Variants in CD2AP observed in about 807,000 individuals in gnomAD.
The protein encoded by CD2AP is CD2 associated protein, also known as CD2-associated protein.
A neutral mutation model predicts 85.1 loss-of-function variants in CD2AP; 46 were observed. The observed-to-expected ratio is 0.54, with a 90% CI of 0.43 to 0.69. CD2AP has a LOEUF of 0.69. Ranked by LOEUF, CD2AP falls within the 30% of genes least tolerant of loss-of-function variation. CD2AP has a pLI of 0.00. For missense variants in CD2AP, 769 were observed against 729.5 expected, an observed-to-expected ratio of 1.05 and a Z score of -0.62; for synonymous variants, 255 against 252.9, an observed-to-expected ratio of 1.01 and a Z score of -0.08.
At chr6:47,607,405 T>C (rs1275475776) in intron 14 of CD2AP, among the ~76,000 whole-genome samples, 1 of 152,126 alleles carries the variant, frequency 6.6e-6, no homozygotes, top group Admixed American at 6.6e-5. Context: ...ATTGTACTCA[T>C]TTACATTCCC....
At chr6:47,487,804 A>T (rs557729902) in intron 1 of CD2AP, among the ~76,000 whole-genome samples, 37 of 152,286 alleles carry the variant, frequency 2.4e-4, no homozygotes, top group African/African-American at 7.9e-4. Flanking sequence ...CACTTATTTT[A>T]TTGTATTTAC....
chr6:47,609,054 G>A, intron 15 of CD2AP, 69 bp from the exon 16 acceptor site: 1 of 1,196,902 alleles, frequency 8.4e-7, no homozygotes, highest in Non-Finnish European at 1.2e-6. Flanking sequence ...TTTTCTTCTT[G>A]CTGTTAAAAT....
chr6:47,554,629 A>G lies in CD2AP; in HGVS notation c.421-17A>G. ...TAACAGAAGTTGTTTTTGCTTTTGA[A>G]TTGTGAACTTTTTCAGGTAGAAGAA... On this transcript the variant is annotated splice_polypyrimidine_tract_variant and intron_variant, in intron 4 of 17. Transcript: ENST00000359314. The G allele has an allele frequency of 3.1e-6, 5 of 1,613,450 alleles. No individual in the cohort carries two copies. The highest frequency in any genetic ancestry group is 4.2e-6 in the Non-Finnish European group (5 of 1,179,604).
Position 47,479,738 on chromosome 6 carries a change from G to A in CD2AP, c.4+1490G>A, listed in dbSNP as rs12525008. 9.4e-4 allele frequency among the ~76,000 whole-genome samples: 143 copies of A among 152,172 alleles called. 1 individual carries two copies. The highest frequency in any genetic ancestry group is 3.4e-3 in the Middle Eastern group (1 of 294). ...AAATTAAACTACTTTGGATGACCTG[G>A]GGATGCAGTCTTGTTTTGCATATAG... is the stretch of plus-strand genomic sequence containing the variant. On this transcript the variant is annotated intron_variant, in intron 1 of 17. Transcript: ENST00000359314.
intron 4 of CD2AP, among the ~76,000 whole-genome samples, chr6:47,550,713 A>G (rs1767494680): frequency 6.6e-6 from 1 of 152,082 alleles, no homozygotes; most frequent in South Asian, 2.1e-4. Context: ...TCATTATATG[A>G]AAAAGATAGT....
At chr6:47,591,345 A>G (rs924906344) in intron 11 of CD2AP, among the ~76,000 whole-genome samples, 4 of 152,184 alleles carry the variant, frequency 2.6e-5, no homozygotes, top group Non-Finnish European at 4.4e-5. Context: ...TTCATGTGGT[A>G]ATAGTTTCTC....
intron 1 of CD2AP, among the ~76,000 whole-genome samples, chr6:47,500,790 A>G (rs563485276): frequency 9.7e-5 from 14 of 145,054 alleles, no homozygotes; most frequent in African/African-American, 3.6e-4. Context: ...CCTGTCACCC[A>G]GGCTGGTGTG....
intron 1 of CD2AP, among the ~76,000 whole-genome samples, chr6:47,486,704 C>T (rs1315947912): frequency 1.3e-5 from 2 of 152,196 alleles, no homozygotes. Flanking sequence ...ATCCTTCTTA[C>T]TGTCCTATCA....
chr6:47,516,598 G>A (rs1766459119), intron 2 of CD2AP, among the ~76,000 whole-genome samples: 1 of 152,152 alleles, frequency 6.6e-6, no homozygotes. Flanking sequence ...ATAGCTTCTG[G>A]ATTGAGAGAA....
chr6:47,569,103 G>A (rs534191133), intron 5 of CD2AP, among the ~76,000 whole-genome samples: 1 of 152,324 alleles, frequency 6.6e-6, no homozygotes, highest in Non-Finnish European at 1.5e-5. Flanking sequence ...GTTAGGCAGT[G>A]TAGAGAGTAA....
chr6:47,482,469 C>T (rs1413254945), intron 1 of CD2AP, among the ~76,000 whole-genome samples: 4 of 151,130 alleles, frequency 2.6e-5, no homozygotes, highest in African/African-American at 9.7e-5. Context: ...ACCTCCGCCT[C>T]CCGGGTTCAA....
At chr6:47,585,242 G>A (rs925429403) in intron 11 of CD2AP, among the ~76,000 whole-genome samples, 1 of 151,684 alleles carries the variant, frequency 6.6e-6, no homozygotes, top group Admixed American at 6.6e-5. Context: ...GGCGGAGCTT[G>A]CAGTGAGCCG....
chr6:47,599,257 G>A (rs756397117), intron 12 of CD2AP, 44 bp from the exon 13 acceptor site: 12 of 1,544,912 alleles, frequency 7.8e-6, no homozygotes, highest in East Asian at 2.3e-5. Context: ...AAAAAAAGTC[G>A]TGTTTCATAC....
chr6:47,509,818 G>C (rs992957628), intron 2 of CD2AP, among the ~76,000 whole-genome samples: 4 of 152,106 alleles, frequency 2.6e-5, no homozygotes, highest in African/African-American at 9.7e-5. Flanking sequence ...AGTAAGATGG[G>C]CTCTAATACA....
At chr6:47,615,821 A>G (rs1400697738) in intron 17 of CD2AP, among the ~76,000 whole-genome samples, 1 of 148,822 alleles carries the variant, frequency 6.7e-6, no homozygotes, top group Non-Finnish European at 1.5e-5. Context: ...TTATTTATTT[A>G]TTTATTTATT....
intron 2 of CD2AP, among the ~76,000 whole-genome samples, chr6:47,506,747 T>G: frequency 7.0e-6 from 1 of 143,378 alleles, no homozygotes; most frequent in Non-Finnish European, 1.5e-5. Flanking sequence ...AGCAGTACAG[T>G]CCAGCTTCGG....
rs1768936558 is a variant in CD2AP at position 47,596,082 on chromosome 6, T to C, written c.1274+56T>C. 17 of 1,229,210 alleles carry C rather than the reference T, an allele frequency of 1.4e-5. No individual in the cohort carries two copies. The South Asian group carries it at 1.9e-4, about 14-fold the overall frequency. The allele number at this position is 1,229,210 out of a possible 1,614,324, so 76.1% of individuals were successfully genotyped here. Reference sequence around the variant, plus strand: ...CTGATTTACTCACCTTTGACCTTAATGGCTCTATTGCCTTTCTAAATCTCC... The same window carrying C: ...CTGATTTACTCACCTTTGACCTTAACGGCTCTATTGCCTTTCTAAATCTCC... On this transcript the variant is annotated intron_variant, in intron 12 of 17. Transcript: ENST00000359314.
At chr6:47,582,148 A>G (rs1768498130) in intron 11 of CD2AP, 83 bp downstream of exon 11, 2 of 836,184 alleles carry the variant, frequency 2.4e-6, no homozygotes, top group Admixed American at 3.6e-5. Flanking sequence ...ACACTGAGTT[A>G]TTTACACTGA....
At chr6:47,623,997 C>T (rs1769831703) in intron 17 of CD2AP, among the ~76,000 whole-genome samples, 189 bp from the exon 18 acceptor site, 1 of 151,936 alleles carries the variant, frequency 6.6e-6, no homozygotes, top group Admixed American at 6.6e-5. Context: ...ATTGTAACTG[C>T]CATTTAGGAA....
Sources: gnomAD v4.1 joint callset for allele counts (sites outside exome capture counted in the v4.1 genomes callset) on GRCh38, gnomAD v4.1.1 for gene constraint, MANE v1.5 for transcripts, NCBI Gene and HGNC (gene_info 2026-07-23, HGNC 2026-07-21) for gene names.